The following RAB1A variants were observed in gnomAD, a reference collection of about 807,000 sequenced individuals.
The protein encoded by RAB1A is ras-related protein Rab-1A.
RAB1A carries 2 observed loss-of-function variants against 26.0 expected under a neutral mutation model. That is an observed-to-expected ratio of 0.08 (90% CI 0.03 to 0.24). RAB1A has a LOEUF of 0.24. Ranked by LOEUF, RAB1A falls within the 10% of genes least tolerant of loss-of-function variation. The probability of loss-of-function intolerance (pLI) is 1.00; values close to 1 mark genes in which losing one functional copy is unlikely to be tolerated. For missense variants in RAB1A, 100 were observed against 247.0 expected (o/e 0.40, Z 3.99); for synonymous variants, 84 against 84.9 (o/e 0.99, Z 0.06).
Position 65,087,536 on chromosome 2 carries a change from G to C in RAB1A, c.*957C>G, listed in dbSNP as rs973914819. On this transcript the variant is annotated 3_prime_UTR_variant, in exon 6 of 6. Coordinates refer to ENST00000409784, the MANE Select transcript of RAB1A (RefSeq NM_004161.5). ...GCTGCTTTCTACCTCTACCACAGAT[G>C]CATTTATGAAATGTTGATCAATGAA... 6.6e-6 allele frequency: 1 copy of C among 152,610 alleles called. No homozygotes were observed. Among genetic ancestry groups the C allele is most frequent in the Admixed American group, 6.5e-5 (1 of 15,274 alleles). 9.5% of individuals were successfully genotyped at this position (152,610 alleles called of 1,614,324 possible).
intron 1 of RAB1A, among the ~76,000 whole-genome samples, chr2:65,129,467 C>G (rs1180754997): frequency 2.0e-5 from 3 of 152,186 alleles, no homozygotes; most frequent in African/African-American, 7.2e-5. Context: ...CCCCGAAGAT[C>G]CTGACAGCTC....
intron 1 of RAB1A, 168 bp from the exon 2 acceptor site, chr2:65,104,974 A>G: frequency 1.4e-6 from 1 of 736,978 alleles, no homozygotes; most frequent in South Asian, 1.4e-5. Flanking sequence ...AGCCCTTCTG[A>G]CAGATCACTA....
At chr2:65,125,963 C>T (rs1371457791) in intron 1 of RAB1A, among the ~76,000 whole-genome samples, 8 of 146,268 alleles carry the variant, frequency 5.5e-5, no homozygotes, top group Non-Finnish European at 1.0e-4. Context: ...CCTCCACCTC[C>T]GAGGTTCAAG....
At chr2:65,091,893 T>C (rs887966300) in intron 3 of RAB1A, among the ~76,000 whole-genome samples, 2 of 152,202 alleles carry the variant, frequency 1.3e-5, no homozygotes, top group Non-Finnish European at 2.9e-5. Context: ...TAAAACGTAT[T>C]TTAAGAACAA....
chr2:65,114,714 G>A (rs372925357), intron 1 of RAB1A, among the ~76,000 whole-genome samples: 10 of 151,948 alleles, frequency 6.6e-5, no homozygotes, highest in African/African-American at 1.4e-4. Flanking sequence ...GCGCGGTGGC[G>A]GGCGCCTGTA....
At chr2:65,089,639 A>C (rs2103820145) in intron 4 of RAB1A, among the ~76,000 whole-genome samples, 1 of 152,216 alleles carries the variant, frequency 6.6e-6, no homozygotes, top group Admixed American at 6.5e-5. Context: ...ACGCAGGCAA[A>C]CCCAACTGCT....
chr2:65,127,483 A>G (rs1443946996), intron 1 of RAB1A, among the ~76,000 whole-genome samples: 2 of 152,178 alleles, frequency 1.3e-5, no homozygotes, highest in Admixed American at 1.3e-4. Context: ...TGTAATCCCA[A>G]CACTTTGGGA....
At chr2:65,091,422 A>T (rs1669168662) in intron 3 of RAB1A, among the ~76,000 whole-genome samples, 1 of 152,210 alleles carries the variant, frequency 6.6e-6, no homozygotes, top group African/African-American at 2.4e-5. Context: ...TCTTCCATGT[A>T]AGACAAACTC....
Position 65,129,933 on chromosome 2 carries a change from C to G in RAB1A, c.-18G>C. On this transcript the variant is annotated 5_prime_UTR_variant, in exon 1 of 6. Coordinates refer to ENST00000409784, the MANE Select transcript of RAB1A (RefSeq NM_004161.5). ...CTGGACATGTCACTGCAGCTGCCGC[C>G]GCCGCCACCGCCGCCCTTGCTGCCG... 6.3e-7 allele frequency: 1 copy of G among 1,580,578 alleles called. No homozygotes were observed. Among genetic ancestry groups the G allele is most frequent in the Non-Finnish European group, 8.6e-7 (1 of 1,165,046 alleles).
chr2:65,114,463 G>A (rs1669777273), intron 1 of RAB1A, among the ~76,000 whole-genome samples: 1 of 152,156 alleles, frequency 6.6e-6, no homozygotes, highest in Non-Finnish European at 1.5e-5. Flanking sequence ...CTTTCATCTA[G>A]AATGGATTCA....
intron 4 of RAB1A, among the ~76,000 whole-genome samples, chr2:65,090,152 G>A (rs183636723): frequency 1.3e-5 from 2 of 152,292 alleles, no homozygotes; most frequent in East Asian, 3.9e-4. Flanking sequence ...CACGGTAATA[G>A]TAGAGATTTT....
rs147368367 is a variant in RAB1A at position 65,109,883 on chromosome 2, T to A, written c.24-5077A>T. The stretch of plus-strand genomic sequence containing the variant: ...TTTTCTACCCTCGAGAAGTTTGGGG[T>A]CTGTGTTTCTCCACCCTTACGTTTG... On this transcript the variant is annotated intron_variant, in intron 1 of 5. Coordinates refer to ENST00000409784, the MANE Select transcript of RAB1A (RefSeq NM_004161.5). Among the ~76,000 whole-genome samples the A allele has an allele frequency of 3.7e-3, 562 of 152,190 alleles. 2 individuals carry two copies. Among genetic ancestry groups the A allele is most frequent in the African/African-American group, 0.013 (534 of 41,526 alleles).
chr2:65,093,730 C>T (rs1229757318), intron 3 of RAB1A, among the ~76,000 whole-genome samples: 2 of 150,394 alleles, frequency 1.3e-5, no homozygotes, highest in Non-Finnish European at 3.0e-5. Flanking sequence ...TCAAGTGATT[C>T]CCCTGTCTCA....
intron 2 of RAB1A, among the ~76,000 whole-genome samples, chr2:65,101,037 T>C (rs1415360092): frequency 6.6e-6 from 1 of 151,296 alleles, no homozygotes; most frequent in Non-Finnish European, 1.5e-5. Flanking sequence ...TACCAGCTAC[T>C]CGGGAGGCTG....
At chr2:65,107,487 G>A (rs75272783) in intron 1 of RAB1A, among the ~76,000 whole-genome samples, 2,746 of 151,264 alleles carry the variant, frequency 0.018, 89 homozygotes, top group African/African-American at 0.063. Context: ...TGGTTTTTTG[G>A]GGGGTGTTGT....
chr2:65,118,488 G>GT (rs967608820), intron 1 of RAB1A, among the ~76,000 whole-genome samples: 88 of 152,066 alleles, frequency 5.8e-4, no homozygotes, highest in Admixed American at 2.1e-3. Flanking sequence ...TTGTTTGTTT[G>GT]TTTTTTTGAG....
intron 3 of RAB1A, among the ~76,000 whole-genome samples, chr2:65,091,563 T>A (rs1373688916): frequency 6.6e-6 from 1 of 152,180 alleles, no homozygotes; most frequent in Non-Finnish European, 1.5e-5. Context: ...CGTCTCATTC[T>A]GTCATCCAGG....
chr2:65,098,454 A>T (rs915532324), intron 2 of RAB1A, among the ~76,000 whole-genome samples: 3 of 152,058 alleles, frequency 2.0e-5, no homozygotes, highest in Non-Finnish European at 2.9e-5. Flanking sequence ...CTTGCGACCC[A>T]CCCACCCAAT....
chr2:65,092,333 G>A (rs986120269), intron 3 of RAB1A, among the ~76,000 whole-genome samples: 3 of 151,440 alleles, frequency 2.0e-5, no homozygotes, highest in African/African-American at 4.9e-5. Context: ...GCATGAACTC[G>A]AGGATCAAGC....
Sources: allele counts gnomAD v4.1 joint callset (sites outside exome capture counted in the v4.1 genomes callset), GRCh38; gene constraint gnomAD v4.1.1; transcripts MANE v1.5; gene names NCBI Gene and HGNC (gene_info 2026-07-23, HGNC 2026-07-21).